WDR47: variants seen among roughly 807,000 people sequenced by gnomAD.
WDR47 encodes the protein WD repeat-containing protein 47.
WDR47 carries 32 observed loss-of-function variants against 97.2 expected under a neutral mutation model. That is an observed-to-expected ratio of 0.33 (90% CI 0.25 to 0.44). The LOEUF is 0.44. Ranked by LOEUF, WDR47 falls within the 20% of genes least tolerant of loss-of-function variation. The pLI is 1.00. For missense variants in WDR47, 782 were observed against 1,102.3 expected (o/e 0.71, Z 4.11); for synonymous variants, 375 against 373.5 (o/e 1.00, Z -0.05).
At chr1:109,016,499 A>G (rs1029561627) in intron 3 of WDR47, among the ~76,000 whole-genome samples, 4 of 152,172 alleles carry the variant, frequency 2.6e-5, no homozygotes, top group African/African-American at 9.7e-5. Context: ...AATCTACTGT[A>G]TAAACTTAGG....
rs550005281 is a variant in WDR47, at chr1:108,976,372, A to G, written c.2399-1618T>C. Among the ~76,000 whole-genome samples the G allele has an allele frequency of 1.9e-4, 25 of 129,814 alleles. No homozygotes were observed. The South Asian group carries it at 2.2e-3, about 12-fold the overall frequency. 85.2% of individuals were successfully genotyped at this position (129,814 alleles called of 152,430 possible). A position where few individuals can be genotyped will look rare whatever the true frequency, so the allele number is the denominator to read the frequency against. On this transcript the variant is annotated intron_variant, in intron 13 of 14. Coordinates refer to ENST00000369962, the MANE Select transcript of WDR47 (RefSeq NM_001142551.2). ...ACCATTATCAAAACTAGGGAAGAGG[A>G]AAAAAAAAAAACAGTAAGGAAGGTG...
chr1:108,995,862 T>G (rs763335152), intron 7 of WDR47, 25 bp from the exon 8 acceptor site: 2 of 1,601,134 alleles, frequency 1.2e-6, no homozygotes, highest in Non-Finnish European at 1.7e-6. Context: ...AATGTAATCA[T>G]TTTAAAATAA....
chr1:108,991,401 A>C, intron 8 of WDR47, 72 bp from the exon 9 acceptor site: 2 of 1,383,068 alleles, frequency 1.4e-6, no homozygotes, highest in Non-Finnish European at 1.0e-6. Context: ...TTACCCTTTC[A>C]AACACTAATT....
intron 8 of WDR47, 150 bp downstream of exon 8, chr1:108,995,430 A>T: frequency 1.2e-6 from 1 of 848,328 alleles, no homozygotes; most frequent in Non-Finnish European, 1.8e-6. Context: ...GGTAGAAGAG[A>T]ATATAGACAA....
intron 7 of WDR47, among the ~76,000 whole-genome samples, chr1:108,999,333 G>A (rs146446258): frequency 0.036 from 5,469 of 151,824 alleles, 121 homozygotes; most frequent in Admixed American, 0.056. Context: ...AGGATGGGCC[G>A]GGCATGGAAG....
At position 109,041,863 on chromosome 1, in the gene WDR47, T is replaced by A. The variant is rs1663394856; in HGVS notation, c.-11A>T. On this transcript the variant is annotated splice_region_variant and 5_prime_UTR_variant, in exon 1 of 15. Coordinates refer to ENST00000369962, the MANE Select transcript of WDR47 (RefSeq NM_001142551.2). ...CCTCCGACTCCCGGAGTCACCCACCTGAGGGCTCCAGGGCAAGCCCGGAGG... is the reference window on the plus strand; with the variant it reads ...CCTCCGACTCCCGGAGTCACCCACCAGAGGGCTCCAGGGCAAGCCCGGAGG... 1 of 152,258 alleles carries A rather than the reference T, an allele frequency of 6.6e-6. No individual in the cohort carries two copies. The highest frequency in any genetic ancestry group is 2.4e-5 in the African/African-American group (1 of 41,442). The allele number at this position is 152,258 out of a possible 1,614,324, so 9.4% of individuals were successfully genotyped here.
At chr1:109,014,299 T>C (rs1557948796) in intron 3 of WDR47, among the ~76,000 whole-genome samples, 2 of 152,092 alleles carry the variant, frequency 1.3e-5, no homozygotes, top group African/African-American at 2.4e-5. Flanking sequence ...TACATATACA[T>C]TGTAGAAAGA....
intron 4 of WDR47, among the ~76,000 whole-genome samples, chr1:109,012,825 C>T (rs936374800): frequency 6.6e-6 from 1 of 152,012 alleles, no homozygotes; most frequent in South Asian, 2.1e-4. Context: ...GTGGCAAAGA[C>T]GGAATAAAAA....
At chr1:109,037,911 G>A (rs1663074939) in intron 1 of WDR47, among the ~76,000 whole-genome samples, 1 of 151,722 alleles carries the variant, frequency 6.6e-6, no homozygotes, top group Admixed American at 6.6e-5. Flanking sequence ...CAGGCTGGTA[G>A]AGCCTTGTCC....
chr1:109,002,399 G>A lies in WDR47; in HGVS notation c.1258C>T (p.Arg420Ter). The change falls in exon 7 of 15, where the codon CGA (arginine) becomes TGA (stop). Residue 420 changes from arginine to a stop codon, truncating the protein, a stop_gained. Coordinates refer to ENST00000369962, the MANE Select transcript of WDR47 (RefSeq NM_001142551.2). LOFTEE classifies it high-confidence loss of function. ...TCTTGAAATTGTTCTGTTGAATCTCGAAGCTTAAAAACATTAGAAAAAAAC... is the reference window on the plus strand; with the variant it reads ...TCTTGAAATTGTTCTGTTGAATCTCAAAGCTTAAAAACATTAGAAAAAAAC... ...GPAKQEKNEL[R>*]DSTEQFQEYY... The A allele has an allele frequency of 6.3e-7, 1 of 1,593,626 alleles. No individual in the cohort carries two copies. Among genetic ancestry groups the A allele is most frequent in the Non-Finnish European group, 8.5e-7 (1 of 1,172,850 alleles).
chr1:109,040,339 A>G (rs1433479622), intron 1 of WDR47, among the ~76,000 whole-genome samples: 1 of 152,140 alleles, frequency 6.6e-6, no homozygotes, highest in Non-Finnish European at 1.5e-5. Flanking sequence ...TTAAATAACT[A>G]ATATATTCTA....
intron 9 of WDR47, among the ~76,000 whole-genome samples, chr1:108,990,078 C>T (rs1266587141): frequency 2.6e-5 from 4 of 152,092 alleles, no homozygotes; most frequent in Non-Finnish European, 1.5e-5. Context: ...TCTTGAAAAT[C>T]AGGTCAGGTG....
At chr1:109,012,572 CAAAAA>C (rs57237933) in intron 4 of WDR47, among the ~76,000 whole-genome samples, 3 of 73,844 alleles carry the variant, frequency 4.1e-5, no homozygotes, top group Admixed American at 1.8e-4. Context: ...GACTCCATCT[CAAAAA>C]AAAAAAAAAA....
intron 13 of WDR47, among the ~76,000 whole-genome samples, chr1:108,979,934 G>A (rs1658211666): frequency 6.6e-6 from 1 of 152,202 alleles, no homozygotes; most frequent in Admixed American, 6.5e-5. Context: ...CGAGGTGAGT[G>A]ACAAATGAGT....
At chr1:109,017,712 T>C (rs1571227562) in intron 2 of WDR47, 111 bp from the exon 3 acceptor site, 1 of 820,236 alleles carries the variant, frequency 1.2e-6, no homozygotes, top group East Asian at 2.7e-5. Flanking sequence ...CACAATGAGA[T>C]TAACATTTTA....
At chr1:108,996,003 T>C (rs1659723529) in intron 7 of WDR47, among the ~76,000 whole-genome samples, 166 bp from the exon 8 acceptor site, 1 of 152,196 alleles carries the variant, frequency 6.6e-6, no homozygotes, top group Admixed American at 6.5e-5. Flanking sequence ...ATAACCAAGA[T>C]ACTGAAAGAA....
chr1:109,003,326 T>C (rs1471957904), intron 6 of WDR47, among the ~76,000 whole-genome samples: 1 of 152,208 alleles, frequency 6.6e-6, no homozygotes, highest in Non-Finnish European at 1.5e-5. Context: ...TAAAGCTCTG[T>C]TGTTTGGTGC....
chr1:109,012,279 A>C (rs977177774), intron 4 of WDR47, among the ~76,000 whole-genome samples: 2 of 152,082 alleles, frequency 1.3e-5, no homozygotes, highest in Non-Finnish European at 2.9e-5. Flanking sequence ...TTGTGTGGAG[A>C]TAGAAAGTCA....
Position 109,011,349 on chromosome 1 carries a change from A to T in WDR47, c.697T>A (p.Cys233Ser). The T allele has an allele frequency of 1.2e-6, 2 of 1,614,246 alleles. No homozygotes were observed. The highest frequency in any genetic ancestry group is 2.2e-5 in the East Asian group (1 of 44,892). ...SEVLLGIDLL[C>S]GNGCDDLDLS... ...TCCAAATCATCACAACCATTACCAC[A>T]TAAGAGGTCGATGCCAAGAAGCACT... Residue 233 changes from cysteine to serine, a missense_variant, in exon 5 of 15, where the codon TGT (cysteine) becomes AGT (serine). Coordinates refer to ENST00000369962, the MANE Select transcript of WDR47 (RefSeq NM_001142551.2).
Sources: gnomAD v4.1 joint callset for allele counts (sites outside exome capture counted in the v4.1 genomes callset) on GRCh38, gnomAD v4.1.1 for gene constraint, MANE v1.5 for transcripts, NCBI Gene and HGNC (gene_info 2026-07-23, HGNC 2026-07-21) for gene names.